Variants in ZNF469 observed in about 807,000 individuals in gnomAD.
ZNF469 encodes zinc finger protein 469.
In ZNF469, 1 loss-of-function variant was observed where a neutral mutation model predicts 1.0. The ratio of observed to expected loss-of-function variants is 1.00; its 90% CI spans 0.35 to 4.73. The LOEUF (loss-of-function observed/expected upper bound fraction) is 4.73. ZNF469 is among the 30% of genes most tolerant of loss of function. The pLI, the probability that ZNF469 is intolerant of heterozygous loss-of-function variation, is 0.16. For synonymous variants in ZNF469, 2,703 were observed against 2,363.4 expected (o/e 1.14, Z -4.17); for missense variants, 6,100 against 5,356.3 (o/e 1.14, Z -4.33).
the ZNF469 span, among the ~76,000 whole-genome samples, chr16:88,352,856 C>G: frequency 6.6e-6 from 1 of 152,224 alleles, no homozygotes; most frequent in Admixed American, 6.5e-5. Context: ...TGGGCCTGAC[C>G]CCTGGGCACT....
chr16:88,252,094 C>G, the ZNF469 span, among the ~76,000 whole-genome samples: 1 of 146,724 alleles, frequency 6.8e-6, no homozygotes, highest in Non-Finnish European at 1.5e-5. Flanking sequence ...GTGTCTGCCT[C>G]TTGAGCTGCA....
rs1270879804 is a variant in ZNF469, at chr16:88,433,253, C to T, written c.5783C>T (p.Ala1928Val). Reference protein sequence around the residue: ...GILGLQELTPAAQSPPRVNPS... With the variant: ...GILGLQELTPVAQSPPRVNPS... Reference sequence around the variant, plus strand: ...CTGGGCTTGCAGGAGCTGACACCTGCTGCCCAGAGCCCTCCACGAGTGAAC... The same window carrying T: ...CTGGGCTTGCAGGAGCTGACACCTGTTGCCCAGAGCCCTCCACGAGTGAAC... The change falls in exon 3 of 3, where the codon GCT (alanine) becomes GTT (valine). Residue 1928 changes from alanine to valine, a missense_variant. Physicochemically the swap from Ala to Val is moderately conservative, Grantham distance 64. Coordinates refer to ENST00000565624, the MANE Select transcript of ZNF469 (RefSeq NM_001367624.2). 1 of 1,550,364 alleles carries T rather than the reference C, an allele frequency of 6.5e-7. No individual in the cohort carries two copies. The highest frequency in any genetic ancestry group is 1.2e-5 in the South Asian group (1 of 84,070).
At chr16:88,131,283 C>G in the ZNF469 span, among the ~76,000 whole-genome samples, 1 of 152,196 alleles carries the variant, frequency 6.6e-6, no homozygotes, top group African/African-American at 2.4e-5. Flanking sequence ...AAATGAAAAA[C>G]GAAACAAAAG....
chr16:88,136,966 A>G, the ZNF469 span, among the ~76,000 whole-genome samples: 3 of 152,238 alleles, frequency 2.0e-5, no homozygotes. Flanking sequence ...GCATGTATGT[A>G]ACTATGGATG....
At chr16:88,246,612 A>C in the ZNF469 span, among the ~76,000 whole-genome samples, 1 of 152,242 alleles carries the variant, frequency 6.6e-6, no homozygotes, top group African/African-American at 2.4e-5. Flanking sequence ...TTCGTAGGTC[A>C]AAGTGAAGCC....
chr16:88,435,377 G>A lies in ZNF469; in HGVS notation c.7907G>A (p.Gly2636Glu), dbSNP rs1456974377. ...HSEGKSNKKRGKLRGRRLREE... is the reference protein window; with the variant it reads ...HSEGKSNKKREKLRGRRLREE... ...GAGGGGAAGTCAAATAAGAAAAGGG[G>A]AAAGCTGAGAGGGAGAAGGCTCCGG... The change falls in exon 3 of 3, where the codon GGA becomes GAA. Residue 2636 changes from glycine (G) to glutamate (E), a missense_variant. Physicochemically the swap from Gly to Glu is moderately conservative, Grantham distance 98 (BLOSUM62 -2). Transcript: ENST00000565624. 1 of 1,550,400 alleles carries A rather than the reference G, an allele frequency of 6.4e-7. No homozygotes were observed. Among genetic ancestry groups the A allele is most frequent in the Non-Finnish European group, 8.7e-7 (1 of 1,146,990 alleles).
At chr16:88,249,417 C>CTTTTT in the ZNF469 span, among the ~76,000 whole-genome samples, 1 of 92,984 alleles carries the variant, frequency 1.1e-5, no homozygotes, top group Non-Finnish European at 1.9e-5. Context: ...CTTTTTCTTT[C>CTTTTT]TTTTTCTTTT....
chr16:88,418,863 A>G (rs1233403396), intron 1 of ZNF469, among the ~76,000 whole-genome samples: 1 of 152,250 alleles, frequency 6.6e-6, no homozygotes, highest in Non-Finnish European at 1.5e-5. Flanking sequence ...GCAAAAGGAA[A>G]GGAGAATGTT....
chr16:88,122,819 C>T, the ZNF469 span, among the ~76,000 whole-genome samples: 1 of 151,904 alleles, frequency 6.6e-6, no homozygotes, highest in East Asian at 1.9e-4. Flanking sequence ...ATATGCTTAA[C>T]TCTGTGTATA....
chr16:88,324,732 C>T, the ZNF469 span, among the ~76,000 whole-genome samples: 2 of 152,162 alleles, frequency 1.3e-5, no homozygotes, highest in Non-Finnish European at 2.9e-5. Flanking sequence ...AGAAAGGGGG[C>T]GGCACCTTCC....
At chr16:88,311,385 T>C in the ZNF469 span, among the ~76,000 whole-genome samples, 1 of 152,160 alleles carries the variant, frequency 6.6e-6, no homozygotes. Flanking sequence ...AGAAATGTAA[T>C]GTACATTTAC....
chr16:88,264,578 A>G, the ZNF469 span, among the ~76,000 whole-genome samples: 1 of 118,282 alleles, frequency 8.5e-6, no homozygotes, highest in Non-Finnish European at 1.8e-5. Context: ...TTCCTCCCAC[A>G]TCCTCCTCCC....
chr16:88,165,259 C>G, the ZNF469 span, among the ~76,000 whole-genome samples: 1 of 152,232 alleles, frequency 6.6e-6, no homozygotes, highest in Non-Finnish European at 1.5e-5. Flanking sequence ...CATGGAGAAG[C>G]ATGTGCTGCC....
chr16:88,355,504 C>T, the ZNF469 span, among the ~76,000 whole-genome samples: 1 of 152,214 alleles, frequency 6.6e-6, no homozygotes, highest in East Asian at 1.9e-4. Context: ...GTCGGTGACC[C>T]GGGCTCCCGC....
the ZNF469 span, among the ~76,000 whole-genome samples, chr16:88,240,018 T>C: frequency 2.7e-5 from 4 of 150,628 alleles, no homozygotes; most frequent in African/African-American, 9.8e-5. Context: ...GAGGGGCTGC[T>C]GCTCTGGCCT....
chr16:88,338,644 C>A, the ZNF469 span, among the ~76,000 whole-genome samples: 1 of 152,228 alleles, frequency 6.6e-6, no homozygotes, highest in African/African-American at 2.4e-5. Context: ...AACCTGTGAA[C>A]ATGGCCTGCT....
the ZNF469 span, among the ~76,000 whole-genome samples, chr16:88,142,757 G>C: frequency 6.6e-6 from 1 of 152,246 alleles, no homozygotes. Flanking sequence ...GCCGGCAGCA[G>C]CTGCGTCGCT....
intron 1 of ZNF469, among the ~76,000 whole-genome samples, chr16:88,392,459 G>A (rs986742780): frequency 2.2e-4 from 34 of 152,204 alleles, no homozygotes; most frequent in African/African-American, 7.7e-4. Flanking sequence ...TGTCCATCAC[G>A]GACCTCTTTC....
the ZNF469 span, among the ~76,000 whole-genome samples, chr16:88,285,351 G>A: frequency 1.5e-4 from 23 of 152,362 alleles, 1 homozygote; most frequent in Middle Eastern, 6.8e-3. Context: ...TCTAACCCTC[G>A]GCATCTGTGC....
Sources: allele counts gnomAD v4.1 joint callset (sites outside exome capture counted in the v4.1 genomes callset), GRCh38; gene constraint gnomAD v4.1.1; transcripts MANE v1.5; gene names NCBI Gene and HGNC (gene_info 2026-07-23, HGNC 2026-07-21).